MTHFS: variants seen among roughly 807,000 people sequenced by gnomAD.
The protein encoded by MTHFS is methenyltetrahydrofolate synthetase, also known as 5-formyltetrahydrofolate cyclo-ligase.
Under a neutral mutation model 12.7 loss-of-function variants are expected in MTHFS, and 7 were observed. That is an observed-to-expected ratio of 0.55 (90% CI 0.31 to 1.03). MTHFS has a LOEUF of 1.03. MTHFS is among the 50% of genes least tolerant of loss of function. The pLI is 0.05. For synonymous variants in MTHFS, 100 were observed against 97.1 expected (o/e 1.03, Z -0.18); for missense variants, 252 against 258.1 (o/e 0.98, Z 0.16).
At chr15:79,854,556 C>A (rs1340948842) in intron 2 of MTHFS, among the ~76,000 whole-genome samples, 1 of 152,138 alleles carries the variant, frequency 6.6e-6, no homozygotes, top group African/African-American at 2.4e-5. Context: ...TAGCAAAAGA[C>A]CAAAATATGG....
At chr15:79,873,140 C>T (rs928111152) in intron 2 of MTHFS, among the ~76,000 whole-genome samples, 1 of 152,154 alleles carries the variant, frequency 6.6e-6, no homozygotes, top group Non-Finnish European at 1.5e-5. Context: ...ATCCCTATCT[C>T]AATCCCATTG....
intron 2 of MTHFS, among the ~76,000 whole-genome samples, chr15:79,881,520 T>C (rs1040031904): frequency 4.0e-5 from 6 of 151,744 alleles, no homozygotes; most frequent in African/African-American, 1.5e-4. Flanking sequence ...AAGGCCCTGT[T>C]ATAAATCAAA....
chr15:79,889,950 C>T (rs758881495), intron 1 of MTHFS, among the ~76,000 whole-genome samples: 13 of 152,104 alleles, frequency 8.5e-5, no homozygotes, highest in African/African-American at 2.9e-4. Context: ...TATCCCTAAC[C>T]GGTCCATGAA....
rs562947803 is a variant in MTHFS at position 79,877,266 on chromosome 15, G to C, written c.379+11827C>G. The C allele has an allele frequency of 2.0e-5, 3 of 152,114 alleles. No individual in the cohort carries two copies. In the East Asian group the frequency reaches 5.8e-4, roughly 29 times the overall value. The allele number at this position is 152,114 out of a possible 1,614,324, so 9.4% of individuals were successfully genotyped here. On this transcript the variant is annotated intron_variant, in intron 2 of 2. Transcript: ENST00000258874. ...CCAATATACTATACATGGAATAAGAGTCCTAGAAGGAGAAGAGAGACAATG... is the reference window on the plus strand; with the variant it reads ...CCAATATACTATACATGGAATAAGACTCCTAGAAGGAGAAGAGAGACAATG...
At chr15:79,882,410 A>T (rs1236776447) in intron 2 of MTHFS, among the ~76,000 whole-genome samples, 1 of 152,116 alleles carries the variant, frequency 6.6e-6, no homozygotes, top group East Asian at 1.9e-4. Context: ...TAAAAAACAA[A>T]CCCAGAGACT....
intron 2 of MTHFS, among the ~76,000 whole-genome samples, chr15:79,865,660 C>A (rs2033997286): frequency 6.6e-6 from 1 of 152,168 alleles, no homozygotes; most frequent in Non-Finnish European, 1.5e-5. Context: ...CCCTGCTTAC[C>A]CTCAGCAGTG....
At chr15:79,866,106 G>C (rs1350248890) in intron 2 of MTHFS, among the ~76,000 whole-genome samples, 1 of 150,018 alleles carries the variant, frequency 6.7e-6, no homozygotes, top group African/African-American at 2.5e-5. Flanking sequence ...TTTGGTCTCT[G>C]TGACAGCGAT....
At chr15:79,889,475 G>A (rs978911132) in intron 1 of MTHFS, 121 bp from the exon 2 acceptor site, 171 of 1,216,348 alleles carry the variant, frequency 1.4e-4, no homozygotes, top group Middle Eastern at 3.0e-4. Flanking sequence ...GAAAAAAAAA[G>A]GGGGGGGGAC....
chr15:79,875,852 G>A (rs1301460307), intron 2 of MTHFS: 3 of 152,048 alleles, frequency 2.0e-5, no homozygotes, highest in Non-Finnish European at 4.4e-5. Flanking sequence ...AAAAAACTTA[G>A]ATAACACAAC....
intron 2 of MTHFS, among the ~76,000 whole-genome samples, chr15:79,883,714 C>T (rs1273271968): frequency 6.6e-6 from 1 of 151,978 alleles, no homozygotes; most frequent in African/African-American, 2.4e-5. Flanking sequence ...TTACTTTATC[C>T]TCTCAACAAC....
chr15:79,880,369 T>C (rs937851461), intron 2 of MTHFS, among the ~76,000 whole-genome samples: 3 of 152,168 alleles, frequency 2.0e-5, no homozygotes, highest in South Asian at 2.1e-4. Context: ...TGTGAGCCAC[T>C]GCGCCCGGCC....
chr15:79,863,854 C>T (rs1374662567), intron 2 of MTHFS, among the ~76,000 whole-genome samples: 4 of 152,222 alleles, frequency 2.6e-5, no homozygotes, highest in Non-Finnish European at 5.9e-5. Flanking sequence ...ACTTCTTTTC[C>T]AAGCATCTCA....
At chr15:79,867,234 A>G (rs1303722218) in intron 2 of MTHFS, among the ~76,000 whole-genome samples, 1 of 152,184 alleles carries the variant, frequency 6.6e-6, no homozygotes, top group Non-Finnish European at 1.5e-5. Flanking sequence ...GGGAACTTGA[A>G]AGTTAGCAAA....
chr15:79,856,204 G>A (rs1340417245), intron 2 of MTHFS, among the ~76,000 whole-genome samples: 1 of 152,084 alleles, frequency 6.6e-6, no homozygotes, highest in Non-Finnish European at 1.5e-5. Context: ...TTTACCAATA[G>A]CCATTCTGAC....
intron 2 of MTHFS, among the ~76,000 whole-genome samples, chr15:79,885,566 G>A (rs1030541145): frequency 3.3e-5 from 5 of 152,168 alleles, no homozygotes; most frequent in African/African-American, 9.7e-5. Flanking sequence ...AAGTCAATCC[G>A]CACTTCTTTT....
At chr15:79,863,920 ATCTGAT>A (rs2033960621) in intron 2 of MTHFS, among the ~76,000 whole-genome samples, 1 of 152,188 alleles carries the variant, frequency 6.6e-6, no homozygotes. Flanking sequence ...ATGCAGCCGA[ATCTGAT>A]TCTAACTGAT....
chr15:79,849,585 G>A (rs1030372641), intron 2 of MTHFS, among the ~76,000 whole-genome samples: 8 of 152,184 alleles, frequency 5.3e-5, no homozygotes, highest in Non-Finnish European at 1.0e-4. Flanking sequence ...TTCAATAGGG[G>A]AGACAGAAGA....
chr15:79,862,268 C>T (rs1213550777), intron 2 of MTHFS, among the ~76,000 whole-genome samples: 1 of 152,184 alleles, frequency 6.6e-6, no homozygotes, highest in Non-Finnish European at 1.5e-5. Flanking sequence ...AACTAACTAA[C>T]ACACCCTATA....
chr15:79,844,983 G>GA lies in MTHFS; in HGVS notation c.*226dup. On this transcript the variant is annotated 3_prime_UTR_variant, in exon 3 of 3. Coordinates refer to ENST00000258874, the MANE Select transcript of MTHFS (RefSeq NM_006441.4). ...CACATTAACACCAGGAAGTTAAGCT[G>GA]AAAATCACAGGCTGATAGCCTCCAT... is the stretch of plus-strand genomic sequence containing the variant. The GA allele has an allele frequency of 1.6e-6, 1 of 617,464 alleles. No individual in the cohort carries two copies. Among genetic ancestry groups the GA allele is most frequent in the Non-Finnish European group, 2.7e-6 (1 of 376,674 alleles). The allele number at this position is 617,464 out of a possible 1,614,324, so 38.2% of individuals were successfully genotyped here.
Sources: gnomAD v4.1 joint callset for allele counts (sites outside exome capture counted in the v4.1 genomes callset) on GRCh38, gnomAD v4.1.1 for gene constraint, MANE v1.5 for transcripts, NCBI Gene and HGNC (gene_info 2026-07-23, HGNC 2026-07-21) for gene names.